The following FCAMR variants were observed in gnomAD, a reference collection of about 807,000 sequenced individuals.
FCAMR encodes high affinity immunoglobulin alpha and immunoglobulin mu Fc receptor.
Under a neutral mutation model 52.2 loss-of-function variants are expected in FCAMR, and 51 were observed. The ratio of observed to expected loss-of-function variants is 0.98; its 90% confidence interval spans 0.78 to 1.23. FCAMR has a LOEUF of 1.23. Among genes scored for constraint, FCAMR ranks in the 50% most tolerant of loss-of-function variants. FCAMR has a pLI of 0.00. For synonymous variants in FCAMR, 282 were observed against 262.0 expected, an observed-to-expected ratio of 1.08 and a Z score of -0.74; for missense variants, 719 against 712.6, an observed-to-expected ratio of 1.01 and a Z score of -0.10.
At chr1:206,964,636 C>G (rs748741001) in intron 4 of FCAMR, among the ~76,000 whole-genome samples, 20 of 151,910 alleles carry the variant, frequency 1.3e-4, no homozygotes, top group Admixed American at 1.0e-3. Flanking sequence ...TGTAAGCAAA[C>G]GCTCCCTAAA....
Position 206,962,542 on chromosome 1 carries a change from G to A in FCAMR, c.323C>T (p.Ser108Leu), listed in dbSNP as rs375632066. The change falls in exon 5 of 8, where the codon TCA becomes TTA. Residue 108 changes from serine (S) to leucine (L), a missense_variant. Coordinates refer to ENST00000324852, the MANE Select transcript of FCAMR (RefSeq NM_001170631.2). ...TGACACCAGCCTTGAGCCCTTCAAT[G>A]AATTTGGAGCTGCAGACAGAGAAGG... ...REESSFAAPN[S>L]LKGSRLVSGE... The A allele has an allele frequency of 2.0e-5, 31 of 1,557,078 alleles. No homozygotes were observed. The highest frequency in any genetic ancestry group is 1.9e-4 in the South Asian group (16 of 83,076).
chr1:206,965,747 G>A lies in FCAMR; in HGVS notation c.281C>T (p.Pro94Leu), dbSNP rs778762730. 1 of 1,580,242 alleles carries A rather than the reference G, an allele frequency of 6.3e-7. No homozygotes were observed. Among genetic ancestry groups the A allele is most frequent in the South Asian group, 1.2e-5 (1 of 86,300 alleles). The change falls in exon 4 of 8, where the codon CCC becomes CTC. Residue 94 changes from proline (P) to leucine (L), a missense_variant. Pro to Leu is a moderately conservative substitution (Grantham distance 98). Coordinates refer to ENST00000324852, the MANE Select transcript of FCAMR (RefSeq NM_001170631.2). ...RAMGTLRPSS[P>L]LCWREESSFA... ...GGAGCTCTCCTCCCGCCAGCAGAGG[G>A]GCGAGGAAGGCCTGAGTGTTCCCAT...
At position 206,960,449 on chromosome 1, in the gene FCAMR, G is replaced by T. The variant is rs1435929763; in HGVS notation, c.1427C>A (p.Pro476His). Residue 476 changes from proline to histidine, a missense_variant, in exon 6 of 8, where the codon CCC becomes CAC. Physicochemically the swap from Pro to His is moderately conservative, Grantham distance 77 (BLOSUM62 -2). Coordinates refer to ENST00000324852, the MANE Select transcript of FCAMR (RefSeq NM_001170631.2). The part of the protein sequence containing the change: ...SQTPAVGPWG[P>H]PGKESSVKRT... The stretch of plus-strand genomic sequence containing the variant: ...CTTCACGGAGGACTCCTTGCCAGGG[G>T]GTCCCCAGGGTCCTACTGCCGGGGT... The T allele has an allele frequency of 6.6e-7, 1 of 1,514,316 alleles. No homozygotes were observed. Among genetic ancestry groups the T allele is most frequent in the Non-Finnish European group, 8.8e-7 (1 of 1,130,176 alleles). 93.8% of individuals were successfully genotyped at this position (1,514,316 alleles called of 1,614,324 possible). A position where few individuals can be genotyped will look rare whatever the true frequency, so the allele number is the denominator to read the frequency against.
At chr1:206,965,265 CA>C (rs1680659725) in intron 4 of FCAMR, among the ~76,000 whole-genome samples, 3 of 152,202 alleles carry the variant, frequency 2.0e-5, no homozygotes, top group African/African-American at 2.4e-5. Context: ...CACTAATCAG[CA>C]GGATGGGGTG....
In FCAMR at chr1:206,958,613, G is replaced by A; in HGVS notation, c.1637C>T (p.Ala546Val). ...MTHFLEVNPQ[A>V]DQLPHVERKM... is the part of the protein sequence containing the mutation. The stretch of plus-strand genomic sequence containing the variant: ...TCTTTCCACATGGGGCAGCTGGTCT[G>A]CTTGGGGGTTCACTTCCAGAAAATG... Residue 546 changes from alanine to valine, a missense_variant, in exon 8 of 8, where the codon GCA becomes GTA. Transcript: ENST00000324852. The A allele has an allele frequency of 6.2e-7, 1 of 1,614,002 alleles. No homozygotes were observed. The highest frequency in any genetic ancestry group is 8.5e-7 in the Non-Finnish European group (1 of 1,180,034).
At position 206,962,520 on chromosome 1, in the gene FCAMR, C is replaced by T; in HGVS notation, c.345G>A (p.Val115=). ...APNSLKGSRL[V]SGEPGGAVTI... ...TGACAGCTCCTCCAGGCTCCCCTGA[C>T]ACCAGCCTTGAGCCCTTCAATGAAT... Residue 115 remains valine, a synonymous_variant, in exon 5 of 8, where the codon GTG becomes GTA. Transcript: ENST00000324852. 6.3e-7 allele frequency: 1 copy of T among 1,594,278 alleles called. No individual in the cohort carries two copies. Among genetic ancestry groups the T allele is most frequent in the Non-Finnish European group, 8.6e-7 (1 of 1,167,074 alleles).
At chr1:206,969,243 A>C (rs564568080) in intron 1 of FCAMR, 4 of 455,202 alleles carry the variant, frequency 8.8e-6, no homozygotes, top group South Asian at 6.2e-5. Context: ...GTTCCTCTGA[A>C]GTCACCGGTG....
intron 7 of FCAMR, 103 bp from the exon 8 acceptor site, chr1:206,958,779 C>T (rs1680365456): frequency 2.7e-6 from 4 of 1,507,380 alleles, no homozygotes; most frequent in Non-Finnish European, 3.7e-6. Context: ...CAAGAACTTT[C>T]TGACACAGAA....
upstream of FCAMR, chr1:206,970,474 G>T (rs529013168): frequency 5.3e-6 from 1 of 188,610 alleles, no homozygotes; most frequent in African/African-American, 2.3e-5. Flanking sequence ...CCCTTCAGGG[G>T]TCTCAGACTA....
chr1:206,964,497 T>C (rs1370257338), intron 4 of FCAMR, among the ~76,000 whole-genome samples: 2 of 151,856 alleles, frequency 1.3e-5, no homozygotes, highest in Non-Finnish European at 2.9e-5. Flanking sequence ...CAGTCATGAA[T>C]GGTTTAGTAC....
At chr1:206,969,260 T>C (rs1361499631) in intron 1 of FCAMR, 1 of 456,106 alleles carries the variant, frequency 2.2e-6, no homozygotes, top group Non-Finnish European at 4.4e-6. Flanking sequence ...GGTGCAGCAA[T>C]CTCTGGGCTT....
At position 206,961,119 on chromosome 1, in the gene FCAMR, T is replaced by A; in HGVS notation, c.757A>T (p.Thr253Ser). The A allele has an allele frequency of 6.4e-7, 1 of 1,551,624 alleles. No individual in the cohort carries two copies. Among genetic ancestry groups the A allele is most frequent in the South Asian group, 1.2e-5 (1 of 84,040 alleles). ...GCTGTCCCCTGTCCTAAGGTCTGGG[T>A]GGTTCCTGGGGTCCATCTGTTGGCC... Reference protein sequence around the residue: ...PVANRWTPGTTQTLGQGTAWD... With the variant: ...PVANRWTPGTSQTLGQGTAWD... The change falls in exon 6 of 8, where the codon ACC becomes TCC. Residue 253 changes from threonine (T) to serine (S), a missense_variant. Transcript: ENST00000324852.
chr1:206,969,989 G>T, intron 1 of FCAMR, 98 bp downstream of exon 1: 2 of 1,480,082 alleles, frequency 1.4e-6, no homozygotes, highest in South Asian at 1.2e-5. Flanking sequence ...ACCTGCTCTG[G>T]GAAGGGCACT....
In FCAMR at chr1:206,958,451, G is replaced by A; in HGVS notation, c.*65C>T. 6.8e-7 allele frequency: 1 copy of A among 1,474,346 alleles called. No individual in the cohort carries two copies. The highest frequency in any genetic ancestry group is 1.4e-5 in the South Asian group (1 of 73,682). The allele number at this position is 1,474,346 out of a possible 1,614,324, so 91.3% of individuals were successfully genotyped here. ...AGGAAGGATGATGGAAAGAGGCTGG[G>A]GTCCTGAAGGCCTTTGATCTTGGTC... On this transcript the variant is annotated 3_prime_UTR_variant, in exon 8 of 8. Coordinates refer to ENST00000324852, the MANE Select transcript of FCAMR (RefSeq NM_001170631.2).
intron 7 of FCAMR, chr1:206,959,003 G>A (rs1680376690): frequency 2.0e-6 from 1 of 499,222 alleles, no homozygotes; most frequent in South Asian, 1.6e-5. Context: ...CTTTGCCAAA[G>A]GGGGAAAATG....
intron 7 of FCAMR, chr1:206,959,007 G>T: frequency 2.0e-6 from 1 of 497,100 alleles, no homozygotes. Flanking sequence ...GCCAAAGGGG[G>T]AAAATGCGAG....
At chr1:206,966,017 C>G (rs12569037) in intron 3 of FCAMR, 159 bp from the exon 4 acceptor site, 166,142 of 910,732 alleles carry the variant, frequency 0.18, 16,027 homozygotes, top group East Asian at 0.26. Context: ...TGCAGCTTCT[C>G]CCTCCCACTG....
rs374305028 is a variant in FCAMR, at chr1:206,962,434, C to A, written c.431G>T (p.Arg144Leu). ...VNRHQRKYWC[R>L]LGPPRWICQT... ...GCAGATCCATCTTGGGGGCCCCAGA[C>A]GGCACCAGTACTTCCTCTGGTGCCT... The change falls in exon 5 of 8, where the codon CGT (arginine) becomes CTT (leucine). Residue 144 changes from arginine (R) to leucine (L), a missense_variant. Physicochemically the swap from Arg to Leu is moderately radical, Grantham distance 102 (BLOSUM62 -2). Transcript: ENST00000324852. The A allele has an allele frequency of 1.2e-6, 2 of 1,614,014 alleles. No homozygotes were observed. The highest frequency in any genetic ancestry group is 2.2e-5 in the East Asian group (1 of 44,902).
chr1:206,959,564 G>T, intron 7 of FCAMR, 115 bp downstream of exon 7: 1 of 737,386 alleles, frequency 1.4e-6, no homozygotes, highest in Non-Finnish European at 2.4e-6. Context: ...GCTCAGCCTA[G>T]AATTTAGCTC....
Sources: gnomAD v4.1 joint callset for allele counts (sites outside exome capture counted in the v4.1 genomes callset) on GRCh38, gnomAD v4.1.1 for gene constraint, MANE v1.5 for transcripts, NCBI Gene and HGNC (gene_info 2026-07-23, HGNC 2026-07-21) for gene names.